MED13L: variants seen among roughly 807,000 people sequenced by gnomAD.
MED13L encodes mediator complex subunit 13L.
Under a neutral mutation model 220.9 loss-of-function variants are expected in MED13L, and 7 were observed. The observed-to-expected ratio is 0.03, with a 90% confidence interval of 0.02 to 0.06. The LOEUF is 0.06. Ranked by LOEUF, MED13L falls within the 10% of genes least tolerant of loss-of-function variation. MED13L has a pLI of 1.00. For missense variants in MED13L, 1,965 were observed against 2,760.5 expected (o/e 0.71, Z 6.46); for synonymous variants, 1,011 against 1,015.2 (o/e 1.00, Z 0.08).
In MED13L at chr12:116,237,481, A is replaced by G. The variant is rs147132098; in HGVS notation, c.297T>C (p.His99=). 1 of 1,611,032 alleles carries G rather than the reference A, an allele frequency of 6.2e-7. No homozygotes were observed. Among genetic ancestry groups the G allele is most frequent in the Non-Finnish European group, 8.5e-7 (1 of 1,177,126 alleles). The part of the protein sequence containing the change: ...GDEPNLVGVI[H]HELQVVEEGL... ...CAGAAACCTTACCCTGCAGTTCATG[A>G]TGTATTACACCCACTAGGTTGGGTT... Residue 99 remains histidine (H), a synonymous_variant, in exon 2 of 31, where the codon CAT becomes CAC. Coordinates refer to ENST00000281928, the MANE Select transcript of MED13L (RefSeq NM_015335.5).
chr12:116,178,665 G>A (rs1165706049), intron 2 of MED13L, among the ~76,000 whole-genome samples: 1 of 152,168 alleles, frequency 6.6e-6, no homozygotes, highest in Non-Finnish European at 1.5e-5. Flanking sequence ...TCACCTCACA[G>A]TAAAGAATTA....
rs1592967502 is a variant in MED13L at position 116,031,759 on chromosome 12, A to AGAAAAGAAAGAAG, written c.480-9159_480-9158insCTTCTTTCTTTTC. ...AGAAAAGAAAAGAAAAGAAAAGAAA[A>AGAAAAGAAAGAAG]GAAGGAAGGAAGGAAGGAAGGAAGG... On this transcript the variant is annotated intron_variant, in intron 4 of 30. Coordinates refer to ENST00000281928, the MANE Select transcript of MED13L (RefSeq NM_015335.5). Among the ~76,000 whole-genome samples the AGAAAAGAAAGAAG allele has an allele frequency of 1.2e-3, 48 of 40,982 alleles. 4 individuals are homozygous for AGAAAAGAAAGAAG. The highest frequency in any genetic ancestry group is 2.2e-3 in the African/African-American group (20 of 9,116). 26.9% of individuals were successfully genotyped at this position (40,982 alleles called of 152,430 possible).
intron 3 of MED13L, among the ~76,000 whole-genome samples, chr12:116,101,583 C>A (rs1475262796): frequency 6.6e-6 from 1 of 152,088 alleles, no homozygotes; most frequent in Admixed American, 6.5e-5. Context: ...CCCATCGTAT[C>A]CCACTGAAGA....
At chr12:116,141,719 C>T (rs1297240012) in intron 2 of MED13L, among the ~76,000 whole-genome samples, 2 of 152,052 alleles carry the variant, frequency 1.3e-5, no homozygotes, top group Non-Finnish European at 2.9e-5. Flanking sequence ...CCCGTGGGAC[C>T]TCTGCTTCTG....
intron 4 of MED13L, among the ~76,000 whole-genome samples, chr12:116,031,759 A>AGAAGGAAGGAAG (rs201576613): frequency 0.081 from 3,301 of 40,798 alleles, 513 homozygotes; most frequent in Admixed American, 0.092. Flanking sequence ...AGAAAAGAAA[A>AGAAGGAAGGAAG]GAAGGAAGGA....
At chr12:116,112,015 G>A (rs1009970039) in intron 2 of MED13L, among the ~76,000 whole-genome samples, 1 of 152,124 alleles carries the variant, frequency 6.6e-6, no homozygotes, top group Non-Finnish European at 1.5e-5. Flanking sequence ...TTTAGAGACT[G>A]TCAGGAAATT....
intron 2 of MED13L, among the ~76,000 whole-genome samples, chr12:116,236,481 T>C (rs1036190389): frequency 1.3e-5 from 2 of 151,768 alleles, no homozygotes; most frequent in Admixed American, 1.3e-4. Context: ...CGAACATACA[T>C]TACAGTTAGT....
intron 2 of MED13L, among the ~76,000 whole-genome samples, chr12:116,145,287 G>A (rs1330183279): frequency 1.3e-5 from 2 of 152,110 alleles, no homozygotes; most frequent in African/African-American, 4.8e-5. Flanking sequence ...CTTAAGAAAA[G>A]GACTCCATGG....
At position 115,986,186 on chromosome 12, in the gene MED13L, T is replaced by G. The variant is rs1473147842; in HGVS notation, c.4338+80A>C. 8.7e-6 allele frequency: 12 copies of G among 1,380,762 alleles called. No individual in the cohort carries two copies. In the East Asian group the frequency reaches 2.7e-4, roughly 32 times the overall value. The allele number at this position is 1,380,762 out of a possible 1,614,324, so 85.5% of individuals were successfully genotyped here. On this transcript the variant is annotated intron_variant, in intron 19 of 30. Transcript: ENST00000281928. ...TCTCTGAGATTTACTTTCAAGACAT[T>G]TGTCTTGAAATTTAGTCATCACTAT... is the stretch of plus-strand genomic sequence containing the variant.
intron 2 of MED13L, 85 bp from the exon 3 acceptor site, chr12:116,111,597 A>G (rs1445623053): frequency 2.0e-6 from 2 of 1,021,670 alleles, no homozygotes; most frequent in African/African-American, 3.2e-5. Flanking sequence ...ATTTTTCTAA[A>G]GCAAAGTTCA....
At chr12:116,263,480 T>C (rs756277867) in intron 1 of MED13L, among the ~76,000 whole-genome samples, 14 of 152,206 alleles carry the variant, frequency 9.2e-5, no homozygotes, top group Non-Finnish European at 1.9e-4. Flanking sequence ...ACACTAACTA[T>C]TCAGGCAGAC....
At chr12:116,211,136 TAGA>T (rs1882679202) in intron 2 of MED13L, among the ~76,000 whole-genome samples, 2 of 152,166 alleles carry the variant, frequency 1.3e-5, no homozygotes. Context: ...GATCTTCTGT[TAGA>T]AGACCTTTAG....
intron 2 of MED13L, among the ~76,000 whole-genome samples, chr12:116,205,532 GAAAAAAA>G (rs34982320): frequency 4.3e-5 from 4 of 94,034 alleles, no homozygotes; most frequent in Admixed American, 1.3e-4. Context: ...CAAAGGAAGA[GAAAAAAA>G]AAAAAAAAAA....
intron 2 of MED13L, chr12:116,169,060 C>T (rs1879492660): frequency 1.3e-5 from 2 of 152,254 alleles, no homozygotes; most frequent in African/African-American, 2.4e-5. Flanking sequence ...CAAAGCTCGT[C>T]GTCTCAAGTC....
intron 3 of MED13L, among the ~76,000 whole-genome samples, chr12:116,105,803 G>GTCC (rs1873520205): frequency 6.6e-6 from 1 of 152,124 alleles, no homozygotes; most frequent in Admixed American, 6.5e-5. Context: ...ATCCCTTCCT[G>GTCC]TCCCACTGAT....
rs964311183 is a variant in MED13L, at chr12:116,012,699, T to C, written c.1280+98A>G. The C allele has an allele frequency of 3.4e-6, 3 of 887,614 alleles. No individual in the cohort carries two copies. The African/African-American group carries it at 4.9e-5, about 15-fold the overall frequency. 55.0% of individuals were successfully genotyped at this position (887,614 alleles called of 1,614,324 possible). A position where few individuals can be genotyped will look rare whatever the true frequency, so the allele number is the denominator to read the frequency against. Reference sequence around the variant, plus strand: ...CTTTTTCTTCTCTACTGGAGGAGAATGGAGAATCAGGAAGAACTGATCTGT... The same window carrying C: ...CTTTTTCTTCTCTACTGGAGGAGAACGGAGAATCAGGAAGAACTGATCTGT... On this transcript the variant is annotated intron_variant, in intron 9 of 30. Transcript: ENST00000281928.
chr12:116,258,418 A>C (rs981621959), intron 1 of MED13L, among the ~76,000 whole-genome samples: 1 of 152,214 alleles, frequency 6.6e-6, no homozygotes, highest in Non-Finnish European at 1.5e-5. Context: ...TGAGGTGAGA[A>C]CATGTAAAGG....
chr12:116,017,966 A>G (rs1879828933), intron 7 of MED13L, among the ~76,000 whole-genome samples: 1 of 151,574 alleles, frequency 6.6e-6, no homozygotes, highest in African/African-American at 2.4e-5. Context: ...ATCTCAGCAA[A>G]TACATGGTTC....
chr12:116,123,645 C>T (rs1484991171), intron 2 of MED13L, among the ~76,000 whole-genome samples: 1 of 152,142 alleles, frequency 6.6e-6, no homozygotes, highest in African/African-American at 2.4e-5. Context: ...GCCTTTTACA[C>T]TAAAGCTCAA....
Sources: gnomAD v4.1 joint callset for allele counts (sites outside exome capture counted in the v4.1 genomes callset) on GRCh38, gnomAD v4.1.1 for gene constraint, MANE v1.5 for transcripts, NCBI Gene and HGNC (gene_info 2026-07-23, HGNC 2026-07-21) for gene names.